The following RSU1 variants were observed in gnomAD, a reference collection of about 807,000 sequenced individuals.
RSU1 encodes Ras suppressor protein 1.
Under a neutral mutation model 31.1 loss-of-function variants are expected in RSU1, and 26 were observed. That is an observed-to-expected ratio of 0.84 (90% CI 0.61 to 1.16). The LOEUF is 1.16. RSU1 is among the 50% of genes most tolerant of loss of function. The pLI is 0.00. For missense variants in RSU1, 320 were observed against 339.1 expected, an observed-to-expected ratio of 0.94 and a Z score of 0.44; for synonymous variants, 164 against 136.3, an observed-to-expected ratio of 1.20 and a Z score of -1.41.
chr10:16,795,598 C>A (rs963216247), intron 2 of RSU1, among the ~76,000 whole-genome samples: 4 of 152,040 alleles, frequency 2.6e-5, no homozygotes, highest in Non-Finnish European at 5.9e-5. Context: ...GCAGAGAGAA[C>A]CCCCTAAAAG....
intron 7 of RSU1, among the ~76,000 whole-genome samples, chr10:16,706,735 T>C (rs541795593): frequency 3.9e-5 from 6 of 152,204 alleles, no homozygotes; most frequent in Admixed American, 3.3e-4. Flanking sequence ...TGGGAACATT[T>C]GAAAGCCTCT....
intron 2 of RSU1, among the ~76,000 whole-genome samples, chr10:16,801,185 G>A (rs553408678): frequency 5.9e-5 from 9 of 151,282 alleles, no homozygotes; most frequent in South Asian, 2.1e-4. Flanking sequence ...TAAAAGTAAC[G>A]GGATGGAGAA....
chr10:16,658,873 G>C (rs1834836248), intron 8 of RSU1, among the ~76,000 whole-genome samples: 1 of 152,160 alleles, frequency 6.6e-6, no homozygotes, highest in Admixed American at 6.5e-5. Flanking sequence ...ATTAGATTGA[G>C]ACCATCAGAG....
chr10:16,654,810 G>A (rs1396460407), intron 8 of RSU1, among the ~76,000 whole-genome samples: 4 of 151,906 alleles, frequency 2.6e-5, no homozygotes, highest in Non-Finnish European at 5.9e-5. Flanking sequence ...TATAATCCGA[G>A]CGCTCCTGGA....
intron 8 of RSU1, among the ~76,000 whole-genome samples, chr10:16,691,206 AC>A (rs1173687607): frequency 6.6e-6 from 1 of 152,192 alleles, no homozygotes; most frequent in Non-Finnish European, 1.5e-5. Flanking sequence ...CAGATAGGAT[AC>A]TAAAAATCCC....
At chr10:16,699,645 G>C (rs1835748162) in intron 7 of RSU1, among the ~76,000 whole-genome samples, 1 of 152,232 alleles carries the variant, frequency 6.6e-6, no homozygotes, top group Non-Finnish European at 1.5e-5. Context: ...GTTCTAACAA[G>C]GATCAGGCAG....
intron 8 of RSU1, among the ~76,000 whole-genome samples, chr10:16,650,283 C>T (rs1564300743): frequency 1.3e-5 from 2 of 152,146 alleles, no homozygotes; most frequent in Admixed American, 6.6e-5. Context: ...TCATTAATCA[C>T]CTTTCTATTA....
At chr10:16,814,470 A>AG (rs371093594) in intron 2 of RSU1, among the ~76,000 whole-genome samples, 11,335 of 136,104 alleles carry the variant, frequency 0.083, 783 homozygotes, top group East Asian at 0.3. Context: ...AAAAAAAAAG[A>AG]AAAAAAAATT....
intron 7 of RSU1, among the ~76,000 whole-genome samples, chr10:16,734,844 G>A (rs1836591883): frequency 6.6e-6 from 1 of 152,128 alleles, no homozygotes; most frequent in Non-Finnish European, 1.5e-5. Context: ...TCACAGAGAT[G>A]ATTTAGTTAA....
intron 7 of RSU1, among the ~76,000 whole-genome samples, chr10:16,729,343 T>C (rs1836457191): frequency 6.6e-6 from 1 of 152,236 alleles, no homozygotes; most frequent in South Asian, 2.1e-4. Context: ...ATTATAATTC[T>C]ATTCACCTCC....
chr10:16,601,325 T>G (rs980246735), intron 8 of RSU1, among the ~76,000 whole-genome samples: 4 of 152,204 alleles, frequency 2.6e-5, no homozygotes, highest in African/African-American at 9.6e-5. Context: ...GAATTTAGTT[T>G]CCTCTACAGT....
At chr10:16,759,342 A>G (rs929753074) in intron 4 of RSU1, among the ~76,000 whole-genome samples, 3 of 152,190 alleles carry the variant, frequency 2.0e-5, no homozygotes, top group Admixed American at 1.3e-4. Context: ...TATACCAAAA[A>G]AAAAACCTAC....
At chr10:16,623,163 G>A (rs993883325) in intron 8 of RSU1, among the ~76,000 whole-genome samples, 1 of 152,122 alleles carries the variant, frequency 6.6e-6, no homozygotes, top group Non-Finnish European at 1.5e-5. Flanking sequence ...TTTTTCAATA[G>A]TTTTTCAAAC....
At chr10:16,714,579 C>T (rs1044670363) in intron 7 of RSU1, among the ~76,000 whole-genome samples, 1 of 151,930 alleles carries the variant, frequency 6.6e-6, no homozygotes, top group Non-Finnish European at 1.5e-5. Context: ...ACTTCAGCAC[C>T]GTACAGATCT....
In RSU1 at chr10:16,752,963, A is replaced by C. The variant is rs755855484; in HGVS notation, c.438T>G (p.Phe146Leu). 4 of 1,613,962 alleles carry C rather than the reference A, an allele frequency of 2.5e-6. No individual in the cohort carries two copies. The highest frequency in any genetic ancestry group is 3.4e-6 in the Non-Finnish European group (4 of 1,179,858). The change falls in exon 6 of 9, where the codon TTT becomes TTG. Residue 146 changes from phenylalanine to leucine, a missense_variant. Physicochemically the swap from Phe to Leu is conservative, Grantham distance 22 (BLOSUM62 0). Transcript: ENST00000345264. ...LRALYLSDNDFEILPPDIGKL... is the reference protein window; with the variant it reads ...LRALYLSDNDLEILPPDIGKL... Reference sequence around the variant, plus strand: ...TCCCAATATCTGGCGGCAGGATTTCAAAATCGTTGTCACTTAGATAGAGTG... The same window carrying C: ...TCCCAATATCTGGCGGCAGGATTTCCAAATCGTTGTCACTTAGATAGAGTG...
chr10:16,726,265 A>ACC (rs1836391074), intron 7 of RSU1, among the ~76,000 whole-genome samples: 1 of 138,694 alleles, frequency 7.2e-6, no homozygotes, highest in African/African-American at 3.2e-5. Context: ...TTAGGAACGT[A>ACC]TCTTTTTTTT....
chr10:16,659,270 A>G (rs998150324), intron 8 of RSU1, among the ~76,000 whole-genome samples: 3 of 149,858 alleles, frequency 2.0e-5, no homozygotes, highest in African/African-American at 7.4e-5. Context: ...AGTTTGGGGT[A>G]AGAAACCCTT....
At chr10:16,752,857 T>C in intron 6 of RSU1, 61 bp downstream of exon 6, 1 of 1,437,962 alleles carries the variant, frequency 7.0e-7, no homozygotes. Context: ...TTGACTTGAT[T>C]CTACCCCTAC....
intron 8 of RSU1, among the ~76,000 whole-genome samples, chr10:16,636,788 G>T (rs1352038114): frequency 6.6e-6 from 1 of 152,050 alleles, no homozygotes; most frequent in Non-Finnish European, 1.5e-5. Flanking sequence ...CTAAATTTCT[G>T]CACATCCTTT....
Sources: gnomAD v4.1 joint callset for allele counts (sites outside exome capture counted in the v4.1 genomes callset) on GRCh38, gnomAD v4.1.1 for gene constraint, MANE v1.5 for transcripts, NCBI Gene and HGNC (gene_info 2026-07-23, HGNC 2026-07-21) for gene names.